The following CTCFL variants were observed in gnomAD, a reference collection of about 807,000 sequenced individuals.
The protein encoded by CTCFL is CCCTC-binding factor like, also known as transcriptional repressor CTCFL.
In CTCFL, 36 loss-of-function variants were observed where a neutral mutation model predicts 67.4. The observed-to-expected ratio is 0.53, with a 90% CI of 0.41 to 0.71. The LOEUF (loss-of-function observed/expected upper bound fraction) is 0.71, where lower values mean the gene tolerates loss of function less well. CTCFL is among the 30% of genes least tolerant of loss of function. The probability of loss-of-function intolerance (pLI) is 0.00; values close to 1 mark genes in which losing one functional copy is unlikely to be tolerated. For missense variants in CTCFL, 786 were observed against 835.2 expected (o/e 0.94, Z 0.73); for synonymous variants, 324 against 302.3 (o/e 1.07, Z -0.75).
chr20:57,512,992 A>G (rs2068665703), intron 7 of CTCFL, among the ~76,000 whole-genome samples: 1 of 152,000 alleles, frequency 6.6e-6, no homozygotes, highest in Non-Finnish European at 1.5e-5. Flanking sequence ...ATACCTCTAG[A>G]TATCACCGCC....
At chr20:57,518,993 A>C in intron 4 of CTCFL, 102 bp from the exon 5 acceptor site, 1 of 1,394,076 alleles carries the variant, frequency 7.2e-7, no homozygotes, top group Non-Finnish European at 9.7e-7. Flanking sequence ...AAATGCTTTA[A>C]AAATTAAGAA....
chr20:57,522,392 C>T (rs1338768237), intron 3 of CTCFL, among the ~76,000 whole-genome samples: 1 of 152,068 alleles, frequency 6.6e-6, no homozygotes, highest in Non-Finnish European at 1.5e-5. Flanking sequence ...AAAAATAAGC[C>T]AAACAAATTA....
chr20:57,522,923 G>T (rs1353302191), intron 3 of CTCFL, 145 bp downstream of exon 3: 2 of 660,604 alleles, frequency 3.0e-6, no homozygotes, highest in East Asian at 5.4e-5. Flanking sequence ...TCACAATACA[G>T]AACATTAGTT....
At chr20:57,517,110 A>T (rs1292373142) in intron 5 of CTCFL, among the ~76,000 whole-genome samples, 1 of 152,234 alleles carries the variant, frequency 6.6e-6, no homozygotes, top group Non-Finnish European at 1.5e-5. Flanking sequence ...GGTTTTCAGA[A>T]GAAAAGTGAA....
Position 57,518,818 on chromosome 20 carries a change from G to A in CTCFL, c.999C>T (p.Arg333=). 1.9e-6 allele frequency: 3 copies of A among 1,614,156 alleles called. 1 individual carries two copies. In the South Asian group the frequency reaches 3.3e-5, roughly 18 times the overall value. ...VTSGELVRHR[R]YKHTHEKPFK... is the part of the protein sequence containing the mutation. Reference sequence around the variant, plus strand: ...AGGGTTTCTCATGAGTATGTTTATAGCGCCTGTGTCGGACGAGTTCTCCAC... The same window carrying A: ...AGGGTTTCTCATGAGTATGTTTATAACGCCTGTGTCGGACGAGTTCTCCAC... The change falls in exon 5 of 11, where the codon CGC becomes CGT. Residue 333 remains arginine (R), a synonymous_variant. Coordinates refer to ENST00000243914, the MANE Select transcript of CTCFL (RefSeq NM_001386993.1).
At position 57,514,692 on chromosome 20, in the gene CTCFL, G is replaced by C; in HGVS notation, c.1230C>G (p.Ser410Arg). 6.2e-7 allele frequency: 1 copy of C among 1,614,136 alleles called. No individual in the cohort carries two copies. Among genetic ancestry groups the C allele is most frequent in the Non-Finnish European group, 8.5e-7 (1 of 1,180,000 alleles). The change falls in exon 7 of 11, where the codon AGC (serine) becomes AGG (arginine). Residue 410 changes from serine (S) to arginine (R), a missense_variant. Coordinates refer to ENST00000243914, the MANE Select transcript of CTCFL (RefSeq NM_001386993.1). ...GCAGAATATGTATTTTCATGGTCCC[G>C]CTCTGGGTGAAGCGGGTGTGGCAGA... ...CHICHTRFTQ[S>R]GTMKIHILQK...
chr20:57,525,228 C>G (rs1425019047), upstream of CTCFL: 1 of 96,268 alleles, frequency 1.0e-5, no homozygotes, highest in Non-Finnish European at 2.1e-5. Flanking sequence ...GGGTGATGTA[C>G]TGTGGGGGCA....
At chr20:57,496,232 C>A (rs1555846978), downstream of CTCFL, 15 of 632,386 alleles carry the variant, frequency 2.4e-5, no homozygotes, top group South Asian at 2.2e-4. Flanking sequence ...GGCGCCTCCC[C>A]CTCTCTCGCT....
Position 57,521,215 on chromosome 20 carries a change from G to C in CTCFL, c.755-1838C>G, listed in dbSNP as rs367805492. Among the ~76,000 whole-genome samples the C allele has an allele frequency of 2.0e-5, 3 of 152,302 alleles. No homozygotes were observed. The East Asian group carries it at 5.8e-4, about 29-fold the overall frequency. ...TGGCACTTTGTCATGGCGTCCCTGG[G>C]AAGCTAACACAGTGCCAGTTAAAAA... On this transcript the variant is annotated intron_variant, in intron 3 of 10. Coordinates refer to ENST00000243914, the MANE Select transcript of CTCFL (RefSeq NM_001386993.1).
At chr20:57,517,938 G>A (rs911112733) in intron 5 of CTCFL, among the ~76,000 whole-genome samples, 1 of 152,142 alleles carries the variant, frequency 6.6e-6, no homozygotes, top group African/African-American at 2.4e-5. Context: ...ACTCAGATGA[G>A]AAATAATTTT....
At chr20:57,510,869 T>A (rs28620436) in intron 8 of CTCFL, among the ~76,000 whole-genome samples, 1 of 152,094 alleles carries the variant, frequency 6.6e-6, no homozygotes, top group South Asian at 2.1e-4. Context: ...AATAAAAAAA[T>A]AAAAAAAGAA....
At chr20:57,516,551 T>G (rs1233854540) in intron 5 of CTCFL, among the ~76,000 whole-genome samples, 2 of 151,582 alleles carry the variant, frequency 1.3e-5, no homozygotes, top group Non-Finnish European at 2.9e-5. Context: ...AAAATAAAAA[T>G]AAAAATAAAA....
intron 9 of CTCFL, among the ~76,000 whole-genome samples, chr20:57,504,089 G>A (rs2068058999): frequency 6.6e-6 from 1 of 151,862 alleles, no homozygotes; most frequent in African/African-American, 2.4e-5. Context: ...TCATTCTCCT[G>A]CCTCAGCCTC....
At chr20:57,513,441 T>C in intron 7 of CTCFL, 5 of 990,828 alleles carry the variant, frequency 5.0e-6, no homozygotes, top group Non-Finnish European at 6.0e-6. Flanking sequence ...CTCAGACATT[T>C]AGAGAGCTTG....
intron 9 of CTCFL, chr20:57,506,840 T>C: frequency 2.8e-5 from 28 of 985,236 alleles, no homozygotes; most frequent in Non-Finnish European, 3.4e-5. Context: ...TTCACAATTT[T>C]TGCATGAGCA....
intron 10 of CTCFL, 59 bp downstream of exon 10, chr20:57,503,377 G>T: frequency 6.3e-7 from 1 of 1,595,768 alleles, no homozygotes; most frequent in Non-Finnish European, 8.6e-7. Flanking sequence ...CGGCACCCAG[G>T]ATAGTCACAA....
intron 7 of CTCFL, chr20:57,513,614 G>A (rs974781524): frequency 9.7e-6 from 11 of 1,133,758 alleles, no homozygotes. Flanking sequence ...GCCCCACCAA[G>A]CCCCACTGGA....
At chr20:57,506,238 G>T (rs2068202623) in intron 9 of CTCFL, among the ~76,000 whole-genome samples, 1 of 152,214 alleles carries the variant, frequency 6.6e-6, no homozygotes, top group African/African-American at 2.4e-5. Flanking sequence ...GGTGATTAAT[G>T]ACGCTACGCT....
At chr20:57,516,663 G>A (rs1029732262) in intron 5 of CTCFL, among the ~76,000 whole-genome samples, 1 of 152,252 alleles carries the variant, frequency 6.6e-6, no homozygotes, top group Non-Finnish European at 1.5e-5. Context: ...AACAGTGTGA[G>A]TGGAGGAAGG....
Sources: gnomAD v4.1 joint callset for allele counts (sites outside exome capture counted in the v4.1 genomes callset) on GRCh38, gnomAD v4.1.1 for gene constraint, MANE v1.5 for transcripts, NCBI Gene and HGNC (gene_info 2026-07-23, HGNC 2026-07-21) for gene names.